PREX1: variants seen among roughly 807,000 people sequenced by gnomAD.
The protein encoded by PREX1 is phosphatidylinositol-3,4,5-trisphosphate dependent Rac exchange factor 1, also known as phosphatidylinositol 3,4,5-trisphosphate-dependent Rac exchanger 1 protein.
Under a neutral mutation model 198.3 loss-of-function variants are expected in PREX1, and 41 were observed. The observed-to-expected ratio is 0.21, with a 90% CI of 0.16 to 0.27. PREX1 has a LOEUF of 0.27. PREX1 is among the 10% of genes least tolerant of loss of function. PREX1 has a pLI of 1.00. For missense variants in PREX1, 1,620 were observed against 2,200.7 expected (o/e 0.74, Z 5.28); for synonymous variants, 843 against 887.2 (o/e 0.95, Z 0.89).
the PREX1 span, among the ~76,000 whole-genome samples, chr20:48,839,648 G>A: frequency 6.6e-6 from 1 of 152,204 alleles, no homozygotes; most frequent in Non-Finnish European, 1.5e-5. Context: ...GGTCGAGGCT[G>A]CGGACTACAT....
At chr20:48,630,660 C>T in intron 36 of PREX1, 68 bp downstream of exon 36, 1 of 1,399,960 alleles carries the variant, frequency 7.1e-7, no homozygotes, top group Non-Finnish European at 1.0e-6. Context: ...GGCCTGTCTG[C>T]TGAGTCCTGA....
At chr20:48,735,188 G>A (rs2090051483) in intron 3 of PREX1, among the ~76,000 whole-genome samples, 1 of 152,258 alleles carries the variant, frequency 6.6e-6, no homozygotes, top group Non-Finnish European at 1.5e-5. Flanking sequence ...CTTCTTAGCA[G>A]GAAGCTCTCA....
intron 1 of PREX1, among the ~76,000 whole-genome samples, chr20:48,804,423 A>G (rs2090401715): frequency 6.6e-6 from 1 of 152,208 alleles, no homozygotes; most frequent in African/African-American, 2.4e-5. Context: ...GAGAGGCCCA[A>G]GACCTGAAGA....
chr20:48,808,760 C>T (rs1049246338), intron 1 of PREX1, among the ~76,000 whole-genome samples: 1 of 152,224 alleles, frequency 6.6e-6, no homozygotes, highest in Non-Finnish European at 1.5e-5. Context: ...CTTGACCTCC[C>T]ATTGCTCTGC....
chr20:48,652,744 G>C (rs113507899), intron 20 of PREX1, 38 bp from the exon 21 acceptor site: 2 of 1,593,456 alleles, frequency 1.3e-6, no homozygotes, highest in Non-Finnish European at 1.7e-6. Context: ...CCATGGTGCC[G>C]GCAGGTAGGG....
intron 3 of PREX1, among the ~76,000 whole-genome samples, chr20:48,739,716 G>C (rs2090072713): frequency 6.6e-6 from 1 of 152,194 alleles, no homozygotes; most frequent in Non-Finnish European, 1.5e-5. Flanking sequence ...TGCTTACTAT[G>C]TATTTCAGGA....
intron 7 of PREX1, among the ~76,000 whole-genome samples, chr20:48,693,852 C>T (rs1195979188): frequency 6.6e-6 from 1 of 151,866 alleles, no homozygotes; most frequent in Non-Finnish European, 1.5e-5. Context: ...TCATGATCTG[C>T]CTGCCTTGGC....
intron 1 of PREX1, among the ~76,000 whole-genome samples, chr20:48,792,441 G>A (rs1285605429): frequency 6.6e-6 from 1 of 151,918 alleles, no homozygotes; most frequent in Non-Finnish European, 1.5e-5. Context: ...CTGCACTCCA[G>A]CCTGGGCAAC....
At chr20:48,698,071 C>G (rs1257177715) in intron 7 of PREX1, among the ~76,000 whole-genome samples, 1 of 152,224 alleles carries the variant, frequency 6.6e-6, no homozygotes, top group Non-Finnish European at 1.5e-5. Context: ...CTCTGGCTCT[C>G]CATCCAGAGG....
chr20:48,745,704 A>G (rs1453818094), intron 2 of PREX1, among the ~76,000 whole-genome samples: 2 of 152,258 alleles, frequency 1.3e-5, no homozygotes, highest in Non-Finnish European at 2.9e-5. Flanking sequence ...TCCCCACATC[A>G]ATCTAAAAGT....
the PREX1 span, among the ~76,000 whole-genome samples, chr20:48,852,568 T>C: frequency 1.3e-5 from 2 of 152,234 alleles, no homozygotes; most frequent in Non-Finnish European, 2.9e-5. Flanking sequence ...AAAATGCAGA[T>C]CCTGATGGAG....
chr20:48,707,987 CAG>C (rs1316373398), intron 6 of PREX1, among the ~76,000 whole-genome samples: 3 of 152,188 alleles, frequency 2.0e-5, no homozygotes, highest in Non-Finnish European at 2.9e-5. Flanking sequence ...GGGGAGATAA[CAG>C]GGGGTGGTGG....
At position 48,693,913 on chromosome 20, in the gene PREX1, TATTTA is replaced by T. The variant is rs569593995; in HGVS notation, c.918-1128_918-1124del. ...GTGAGCCACCGTGCCGGCCTTATTTTATTTATTTATTTTTTTGAGATAGAGTCTCA... is the reference window on the plus strand; with the variant it reads ...GTGAGCCACCGTGCCGGCCTTATTTTTTTATTTTTTTGAGATAGAGTCTCA... On this transcript the variant is annotated intron_variant, in intron 7 of 39. Transcript: ENST00000371941. Among the ~76,000 whole-genome samples the T allele has an allele frequency of 4.6e-4, 69 of 148,772 alleles. 1 individual carries two copies. The highest frequency in any genetic ancestry group is 1.7e-3 in the African/African-American group (68 of 40,212).
At chr20:48,849,122 A>G in the PREX1 span, among the ~76,000 whole-genome samples, 1 of 151,890 alleles carries the variant, frequency 6.6e-6, no homozygotes, top group Non-Finnish European at 1.5e-5. Context: ...ATGTTTGTGC[A>G]TTGCTAAAAC....
At position 48,651,209 on chromosome 20, in the gene PREX1, G is replaced by A. The variant is rs183426405; in HGVS notation, c.2656-154C>T. Among the ~76,000 whole-genome samples the A allele has an allele frequency of 9.2e-3, 1,406 of 152,324 alleles. 8 individuals are homozygous for A. Among genetic ancestry groups the A allele is most frequent in the Non-Finnish European group, 0.016 (1,081 of 68,022 alleles). On this transcript the variant is annotated intron_variant, in intron 22 of 39. Coordinates refer to ENST00000371941, the MANE Select transcript of PREX1 (RefSeq NM_020820.4). ...GCACGGGAGTAAACTGAGGCTAAAGGGACAAGCCACTCTGCACAGTCCCAC... is the reference window on the plus strand; with the variant it reads ...GCACGGGAGTAAACTGAGGCTAAAGAGACAAGCCACTCTGCACAGTCCCAC...
intron 1 of PREX1, among the ~76,000 whole-genome samples, chr20:48,803,651 G>T (rs1031120379): frequency 1.3e-5 from 2 of 152,120 alleles, no homozygotes; most frequent in Non-Finnish European, 2.9e-5. Flanking sequence ...GCTTCCCGAG[G>T]TCTGATATCC....
intron 6 of PREX1, among the ~76,000 whole-genome samples, chr20:48,702,423 G>A (rs1426332391): frequency 6.6e-6 from 1 of 152,174 alleles, no homozygotes; most frequent in South Asian, 2.1e-4. Context: ...CTCAATCCAC[G>A]TCCCTCTTCT....
chr20:48,753,223 G>A (rs1321474567), intron 1 of PREX1, among the ~76,000 whole-genome samples: 1 of 152,106 alleles, frequency 6.6e-6, no homozygotes, highest in Non-Finnish European at 1.5e-5. Flanking sequence ...TGATGAGTTT[G>A]CCATCTCCAA....
chr20:48,759,277 C>T (rs943260342), intron 1 of PREX1, among the ~76,000 whole-genome samples: 14 of 152,004 alleles, frequency 9.2e-5, no homozygotes, highest in Non-Finnish European at 1.8e-4. Context: ...AGGCCAGGCG[C>T]GGTAGCTCAC....
Sources: allele counts gnomAD v4.1 joint callset (sites outside exome capture counted in the v4.1 genomes callset), GRCh38; gene constraint gnomAD v4.1.1; transcripts MANE v1.5; gene names NCBI Gene and HGNC (gene_info 2026-07-23, HGNC 2026-07-21).